Variants in ZCCHC17 observed in about 807,000 individuals in gnomAD.
The protein encoded by ZCCHC17 is zinc finger CCHC domain-containing protein 17.
In ZCCHC17, 18 loss-of-function variants were observed where a neutral mutation model predicts 30.6. The observed-to-expected ratio is 0.59, with a 90% CI of 0.41 to 0.87. The LOEUF is 0.87. Among genes scored for constraint, ZCCHC17 ranks in the 40% least tolerant of loss-of-function variants. The pLI is 0.00. For missense variants in ZCCHC17, 263 were observed against 284.2 expected, an observed-to-expected ratio of 0.93 and a Z score of 0.54; for synonymous variants, 88 against 92.4, an observed-to-expected ratio of 0.95 and a Z score of 0.27.
intron 5 of ZCCHC17, among the ~76,000 whole-genome samples, chr1:31,344,980 T>A (rs1467341089): frequency 2.6e-5 from 4 of 151,148 alleles, no homozygotes; most frequent in African/African-American, 9.7e-5. Context: ...TGCCTCAGCC[T>A]CTCGAGTTGC....
chr1:31,329,907 A>G (rs1346026636), intron 3 of ZCCHC17, among the ~76,000 whole-genome samples: 3 of 152,154 alleles, frequency 2.0e-5, no homozygotes, highest in Non-Finnish European at 2.9e-5. Flanking sequence ...ACGCTTGGAT[A>G]TATTTTTGCC....
At chr1:31,345,766 AAGAG>A (rs929143927) in intron 5 of ZCCHC17, among the ~76,000 whole-genome samples, 12 of 150,556 alleles carry the variant, frequency 8.0e-5, no homozygotes, top group South Asian at 2.1e-4. Context: ...GCAGGAGAGA[AAGAG>A]AGAGAGAGCA....
In ZCCHC17 at chr1:31,364,019, ATTTTC is replaced by A; in HGVS notation, c.565-7_565-3del. 2 of 1,606,018 alleles carry A rather than the reference ATTTTC, an allele frequency of 1.2e-6. No homozygotes were observed. The highest frequency in any genetic ancestry group is 1.4e-5 in the African/African-American group (1 of 74,054). On this transcript the variant is annotated splice_polypyrimidine_tract_variant and splice_region_variant and intron_variant, in intron 7 of 7. Transcript: ENST00000344147. ...TACACATACAGTGTTGATTTTTAAAATTTTCTTTTCAGGAGAAGAAGAAAAAGAAA... is the reference window on the plus strand; with the variant it reads ...TACACATACAGTGTTGATTTTTAAAATTTTCAGGAGAAGAAGAAAAAGAAA...
At chr1:31,363,929 C>A in intron 7 of ZCCHC17, 103 bp from the exon 8 acceptor site, 1 of 1,478,580 alleles carries the variant, frequency 6.8e-7, no homozygotes, top group Non-Finnish European at 9.0e-7. Flanking sequence ...TCCCAAAGTA[C>A]TAGGATTACA....
Position 31,304,891 on chromosome 1 carries a change from G to A in ZCCHC17, c.-55-5153G>A, listed in dbSNP as rs974416139. ...ATTACAGGCGTGAGCCACCACGCAC[G>A]GCTGTATACTCTTTAAAAGTAGCAG... On this transcript the variant is annotated intron_variant, in intron 1 of 7. Transcript: ENST00000344147. Among the ~76,000 whole-genome samples the A allele has an allele frequency of 1.1e-4, 16 of 152,242 alleles. 1 individual carries two copies. The East Asian group carries it at 1.2e-3, about 11-fold the overall frequency.
intron 2 of ZCCHC17, among the ~76,000 whole-genome samples, chr1:31,315,041 G>A (rs2148421621): frequency 1.3e-5 from 2 of 152,212 alleles, no homozygotes; most frequent in Middle Eastern, 6.8e-3. Flanking sequence ...TCATTTGTTG[G>A]TACAACTCTG....
At chr1:31,337,596 G>A (rs1638871563) in intron 4 of ZCCHC17, among the ~76,000 whole-genome samples, 1 of 152,176 alleles carries the variant, frequency 6.6e-6, no homozygotes, top group Non-Finnish European at 1.5e-5. Flanking sequence ...TATGGGACAA[G>A]TGTTTATCAC....
chr1:31,346,499 G>A (rs770759363), intron 5 of ZCCHC17, 141 bp from the exon 6 acceptor site: 301 of 856,516 alleles, frequency 3.5e-4, no homozygotes, highest in Non-Finnish European at 4.7e-4. Context: ...TGCATTTACT[G>A]CCTGTCTCGT....
chr1:31,319,963 G>A (rs1360347648), intron 3 of ZCCHC17, among the ~76,000 whole-genome samples: 3 of 152,136 alleles, frequency 2.0e-5, no homozygotes, highest in Non-Finnish European at 4.4e-5. Context: ...AAAAATCATT[G>A]TAATCAGAGT....
At chr1:31,315,839 G>T (rs1424622998) in intron 2 of ZCCHC17, among the ~76,000 whole-genome samples, 3 of 152,166 alleles carry the variant, frequency 2.0e-5, no homozygotes, top group African/African-American at 7.2e-5. Flanking sequence ...GATCATCTAT[G>T]GCAGGTGTGA....
At chr1:31,321,847 A>G (rs906826624) in intron 3 of ZCCHC17, among the ~76,000 whole-genome samples, 2 of 152,240 alleles carry the variant, frequency 1.3e-5, no homozygotes, top group African/African-American at 4.8e-5. Context: ...CTAGTCTCAT[A>G]TCAAATATAT....
intron 6 of ZCCHC17, among the ~76,000 whole-genome samples, chr1:31,347,912 A>G (rs1168773796): frequency 4.6e-5 from 7 of 152,034 alleles, no homozygotes; most frequent in Non-Finnish European, 1.5e-5. Flanking sequence ...CAGCCCACAC[A>G]TAGCTTTTTG....
intron 7 of ZCCHC17, among the ~76,000 whole-genome samples, chr1:31,355,665 A>T (rs182196944): frequency 6.6e-6 from 1 of 152,342 alleles, no homozygotes; most frequent in Admixed American, 6.5e-5. Context: ...ACAAATATGT[A>T]TTATCTGCTT....
At chr1:31,355,106 C>T (rs1331209114) in intron 7 of ZCCHC17, among the ~76,000 whole-genome samples, 3 of 149,126 alleles carry the variant, frequency 2.0e-5, no homozygotes, top group Non-Finnish European at 3.0e-5. Flanking sequence ...ACCCAGGAGG[C>T]GGAGGGTGCA....
chr1:31,324,417 T>A (rs1334803924), intron 3 of ZCCHC17, among the ~76,000 whole-genome samples: 1 of 152,146 alleles, frequency 6.6e-6, no homozygotes, highest in East Asian at 1.9e-4. Context: ...TGCCCCCTTA[T>A]GAGTTAGTGG....
chr1:31,338,699 C>T (rs532567421), intron 4 of ZCCHC17, among the ~76,000 whole-genome samples: 1 of 152,268 alleles, frequency 6.6e-6, no homozygotes, highest in East Asian at 1.9e-4. Context: ...CTGGTTACTT[C>T]CACAAGCCAT....
In ZCCHC17 at chr1:31,338,996, G is replaced by C. The variant is rs144515936; in HGVS notation, c.265G>C (p.Val89Leu). ...DRIKVSLSMK[V>L]VNQGTGKDLD... Reference sequence around the variant, plus strand: ...AATAAAAGTATCCCTCTCCATGAAGGTTGTCAATCAAGGGACTGGGAAAGA... The same window carrying C: ...AATAAAAGTATCCCTCTCCATGAAGCTTGTCAATCAAGGGACTGGGAAAGA... The change falls in exon 5 of 8, where the codon GTT becomes CTT. Residue 89 changes from valine to leucine, a missense_variant. Coordinates refer to ENST00000344147, the MANE Select transcript of ZCCHC17 (RefSeq NM_016505.4). 14 of 1,612,712 alleles carry C rather than the reference G, an allele frequency of 8.7e-6. No individual in the cohort carries two copies. The highest frequency in any genetic ancestry group is 1.2e-5 in the Non-Finnish European group (14 of 1,179,688).
chr1:31,348,953 T>G lies in ZCCHC17; in HGVS notation c.543T>G (p.Asn181Lys), dbSNP rs1639372269. 6 of 1,581,092 alleles carry G rather than the reference T, an allele frequency of 3.8e-6. No individual in the cohort carries two copies. Among genetic ancestry groups the G allele is most frequent in the Non-Finnish European group, 5.1e-6 (6 of 1,169,338 alleles). Residue 181 changes from asparagine to lysine, a missense_variant, in exon 7 of 8, where the codon AAT (asparagine) becomes AAG (lysine). Coordinates refer to ENST00000344147, the MANE Select transcript of ZCCHC17 (RefSeq NM_016505.4). ...AEFEKPDPTR[N>K]PSRKRKKEKK... is the part of the protein sequence containing the mutation. ...TTGAGAAGCCTGACCCTACAAGGAATCCTTCTAGAAAAAGAAAGAAGGTGA... is the reference window on the plus strand; with the variant it reads ...TTGAGAAGCCTGACCCTACAAGGAAGCCTTCTAGAAAAAGAAAGAAGGTGA...
rs759575604 is a variant in ZCCHC17 at position 31,364,193 on chromosome 1, A to C, written c.726A>C (p.Ter242CysextTer76). ...KKKHKKKHKE[*>C] is the part of the protein sequence containing the mutation. ...AGCACAAGAAGAAGCACAAGGAGTGAGAGTATAAAGAGTGTAGGGGGTGGT... is the reference window on the plus strand; with the variant it reads ...AGCACAAGAAGAAGCACAAGGAGTGCGAGTATAAAGAGTGTAGGGGGTGGT... The change falls in exon 8 of 8, where the codon TGA (stop) becomes TGC (cysteine). Residue 242 changes from the stop codon to cysteine (C), a stop_lost. Coordinates refer to ENST00000344147, the MANE Select transcript of ZCCHC17 (RefSeq NM_016505.4). 19 of 1,612,176 alleles carry C rather than the reference A, an allele frequency of 1.2e-5. No individual in the cohort carries two copies. Among genetic ancestry groups the C allele is most frequent in the Non-Finnish European group, 1.5e-5 (18 of 1,179,506 alleles).
Sources: allele counts gnomAD v4.1 joint callset (sites outside exome capture counted in the v4.1 genomes callset), GRCh38; gene constraint gnomAD v4.1.1; transcripts MANE v1.5; gene names NCBI Gene and HGNC (gene_info 2026-07-23, HGNC 2026-07-21).